Variants in RNF180 observed in about 807,000 individuals in gnomAD.
RNF180 encodes ring finger protein 180.
Under a neutral mutation model 59.2 loss-of-function variants are expected in RNF180, and 38 were observed. The ratio of observed to expected loss-of-function variants is 0.64; its 90% CI spans 0.50 to 0.84. The LOEUF is 0.84. Among genes scored for constraint, RNF180 ranks in the 40% least tolerant of loss-of-function variants. RNF180 has a pLI of 0.00. For synonymous variants in RNF180, 262 were observed against 240.3 expected, an observed-to-expected ratio of 1.09 and a Z score of -0.84; for missense variants, 705 against 700.9, an observed-to-expected ratio of 1.01 and a Z score of -0.07.
At chr5:64,340,604 C>T (rs1745319997) in intron 7 of RNF180, among the ~76,000 whole-genome samples, 1 of 152,158 alleles carries the variant, frequency 6.6e-6, no homozygotes. Flanking sequence ...TTAAAATATG[C>T]TGTAGACATG....
At chr5:64,347,418 A>G (rs918287266) in intron 7 of RNF180, among the ~76,000 whole-genome samples, 6 of 152,322 alleles carry the variant, frequency 3.9e-5, no homozygotes, top group African/African-American at 1.4e-4. Context: ...TATCTGGAGA[A>G]GAGGGAAGGG....
intron 5 of RNF180, among the ~76,000 whole-genome samples, chr5:64,281,648 G>A (rs762124029): frequency 5.3e-5 from 8 of 151,938 alleles, no homozygotes; most frequent in African/African-American, 7.3e-5. Flanking sequence ...ACAGGTATGC[G>A]CCACCATGCC....
At chr5:64,201,000 CCA>C (rs1470331555) in intron 2 of RNF180, 58 bp downstream of exon 2, 33 of 1,369,986 alleles carry the variant, frequency 2.4e-5, no homozygotes, top group Non-Finnish European at 3.1e-5. Flanking sequence ...GTGGGCCTAT[CCA>C]CACACATGCA....
chr5:64,247,710 A>G lies in RNF180; in HGVS notation c.1227+30314A>G, dbSNP rs113173578. Among the ~76,000 whole-genome samples the G allele has an allele frequency of 8.6e-3, 1,303 of 152,324 alleles. 18 individuals are homozygous for G. Among genetic ancestry groups the G allele is most frequent in the African/African-American group, 0.029 (1,188 of 41,572 alleles). On this transcript the variant is annotated intron_variant, in intron 5 of 7. Transcript: ENST00000389100. Reference sequence around the variant, plus strand: ...CAAAGTAATTTATAGATTCAATGCTATCCTCATCAAGCTACCATTGACTTT... The same window carrying G: ...CAAAGTAATTTATAGATTCAATGCTGTCCTCATCAAGCTACCATTGACTTT...
rs183852750 is a variant in RNF180, at chr5:64,340,176, A to G, written c.1579+9770A>G. Among the ~76,000 whole-genome samples, 20 of 152,332 alleles carry G rather than the reference A, an allele frequency of 1.3e-4. No individual in the cohort carries two copies. In the South Asian group the frequency reaches 1.7e-3, roughly 13 times the overall value. The stretch of plus-strand genomic sequence containing the variant: ...TATACACACATACACACACAAAGCA[A>G]TGTAGCAAAGAGGTTTCACTAAAAC... On this transcript the variant is annotated intron_variant, in intron 7 of 7. Coordinates refer to ENST00000389100, the MANE Select transcript of RNF180 (RefSeq NM_001113561.2).
At chr5:64,247,657 T>C (rs987750982) in intron 5 of RNF180, among the ~76,000 whole-genome samples, 2 of 152,154 alleles carry the variant, frequency 1.3e-5, no homozygotes, top group African/African-American at 4.8e-5. Context: ...ATAGGAAGAA[T>C]CAATATCGTG....
At position 64,202,986 on chromosome 5, in the gene RNF180, C is replaced by A. The variant is rs150607742; in HGVS notation, c.135+2044C>A. Among the ~76,000 whole-genome samples the A allele has an allele frequency of 5.2e-4, 79 of 152,296 alleles. 1 individual carries two copies. Among genetic ancestry groups the A allele is most frequent in the African/African-American group, 1.4e-3 (60 of 41,572 alleles). On this transcript the variant is annotated intron_variant, in intron 2 of 7. Transcript: ENST00000389100. ...CACACTCTCTGCTGCCTTTGCTCTT[C>A]CTTCAGGATATCATATGATGTCACT...
At chr5:64,323,030 T>C (rs1344643699) in intron 5 of RNF180, among the ~76,000 whole-genome samples, 2 of 152,102 alleles carry the variant, frequency 1.3e-5, no homozygotes, top group Admixed American at 1.3e-4. Context: ...TGAAAAAGCA[T>C]TGTTAAATAA....
chr5:64,205,192 ATGT>A (rs1450874917), intron 2 of RNF180, among the ~76,000 whole-genome samples: 1 of 152,120 alleles, frequency 6.6e-6, no homozygotes, highest in Non-Finnish European at 1.5e-5. Flanking sequence ...TGCTTTTGTA[ATGT>A]TGTGTGGGTG....
At chr5:64,340,466 A>G (rs1036216737) in intron 7 of RNF180, among the ~76,000 whole-genome samples, 7 of 152,240 alleles carry the variant, frequency 4.6e-5, no homozygotes, top group African/African-American at 1.4e-4. Context: ...TATAAATCAA[A>G]GAACTCCACA....
intron 5 of RNF180, among the ~76,000 whole-genome samples, chr5:64,235,419 A>AAATAAGCATGAATTTCTTTTATTAT (rs1742377676): frequency 6.6e-6 from 1 of 152,204 alleles, no homozygotes; most frequent in Non-Finnish European, 1.5e-5. Context: ...TAAATACTTA[A>AAATAAGCATGAATTTCTTTTATTAT]AATAAGCATG....
intron 7 of RNF180, among the ~76,000 whole-genome samples, chr5:64,349,414 T>C (rs571064829): frequency 1.3e-5 from 2 of 151,898 alleles, no homozygotes; most frequent in South Asian, 2.1e-4. Flanking sequence ...TTCTTTCTTT[T>C]TTTTTTTTGA....
chr5:64,226,576 G>A (rs1244567036), intron 5 of RNF180, among the ~76,000 whole-genome samples: 1 of 151,736 alleles, frequency 6.6e-6, no homozygotes, highest in East Asian at 1.9e-4. Flanking sequence ...TTGTTCACGT[G>A]TTTATCTGCT....
At chr5:64,324,192 A>G (rs900628753) in intron 5 of RNF180, among the ~76,000 whole-genome samples, 1 of 152,246 alleles carries the variant, frequency 6.6e-6, no homozygotes, top group African/African-American at 2.4e-5. Context: ...CTATACATAC[A>G]TACATTTACA....
At chr5:64,351,924 G>A (rs907127603) in intron 7 of RNF180, among the ~76,000 whole-genome samples, 33 of 152,228 alleles carry the variant, frequency 2.2e-4, no homozygotes, top group African/African-American at 7.7e-4. Context: ...CATAAAATGA[G>A]TTAGGAGGAT....
At chr5:64,321,051 G>A (rs914540004) in intron 5 of RNF180, among the ~76,000 whole-genome samples, 1 of 151,794 alleles carries the variant, frequency 6.6e-6, no homozygotes, top group Admixed American at 6.6e-5. Flanking sequence ...AAAAAAAAGG[G>A]AAAGAAAAAT....
chr5:64,299,886 G>C (rs186216672), intron 5 of RNF180, among the ~76,000 whole-genome samples: 4 of 151,790 alleles, frequency 2.6e-5, no homozygotes, highest in African/African-American at 9.7e-5. Context: ...GTTGCATGCT[G>C]TTCCATGTAG....
intron 5 of RNF180, among the ~76,000 whole-genome samples, chr5:64,266,888 A>T (rs1744710492): frequency 6.6e-6 from 1 of 152,150 alleles, no homozygotes; most frequent in Non-Finnish European, 1.5e-5. Flanking sequence ...AGGAGTTTTC[A>T]TAATTCACTT....
chr5:64,167,101 T>C lies in RNF180; in HGVS notation c.-1+1148T>C, dbSNP rs562402168. ...CTTTTATCTGTCAGACTTTCGTCTC[T>C]TGTATAAATGTAGTGCCACTGGCAG... On this transcript the variant is annotated intron_variant, in intron 1 of 7. Transcript: ENST00000389100. Among the ~76,000 whole-genome samples the C allele has an allele frequency of 4.6e-5, 7 of 152,332 alleles. No individual in the cohort carries two copies. The South Asian group carries it at 1.0e-3, about 23-fold the overall frequency.
Sources: allele counts gnomAD v4.1 joint callset (sites outside exome capture counted in the v4.1 genomes callset), GRCh38; gene constraint gnomAD v4.1.1; transcripts MANE v1.5; gene names NCBI Gene and HGNC (gene_info 2026-07-23, HGNC 2026-07-21).